WDR33: variants seen among roughly 807,000 people sequenced by gnomAD.
WDR33 encodes WD repeat domain 33.
Under a neutral mutation model 164.9 loss-of-function variants are expected in WDR33, and 47 were observed. The ratio of observed to expected loss-of-function variants is 0.29; its 90% CI spans 0.23 to 0.36. WDR33 has a LOEUF of 0.36. WDR33 is among the 10% of genes least tolerant of loss of function. The probability of loss-of-function intolerance (pLI) is 1.00; values close to 1 mark genes in which losing one functional copy is unlikely to be tolerated. For synonymous variants in WDR33, 505 were observed against 589.0 expected, an observed-to-expected ratio of 0.86 and a Z score of 2.06; for missense variants, 1,137 against 1,754.1, an observed-to-expected ratio of 0.65 and a Z score of 6.28.
rs185019958 is a variant in WDR33, at chr2:127,708,578, C to T, written c.3781+99G>A. 2.5e-4 allele frequency: 338 copies of T among 1,346,990 alleles called. 1 individual carries two copies. In the African/African-American group the frequency reaches 4.3e-3, roughly 17 times the overall value. The allele number at this position is 1,346,990 out of a possible 1,614,324, so 83.4% of individuals were successfully genotyped here. A position where few individuals can be genotyped will look rare whatever the true frequency, so the allele number is the denominator to read the frequency against. On this transcript the variant is annotated intron_variant, in intron 21 of 21. Transcript: ENST00000322313. The surrounding 1 kb of genome is among the most constrained non-coding windows in gnomAD (Gnocchi z 6.7). ...GCACCACATTTAGGAGCATGTGCCT[C>T]TGCACAGCCCAGGCTGCAAGGGCAT... is the stretch of plus-strand genomic sequence containing the variant.
rs1328989145 is a variant in WDR33, at chr2:127,706,432, C to A, written c.3902G>T (p.Gly1301Val). 6.2e-7 allele frequency: 1 copy of A among 1,613,568 alleles called. No homozygotes were observed. Among genetic ancestry groups the A allele is most frequent in the South Asian group, 1.1e-5 (1 of 90,912 alleles). ...ACTCCGGCCCCCTCGAGAAGGGGTG[C>A]CACTGCCTGGAGGGCCCCCAAAAGG... is the stretch of plus-strand genomic sequence containing the variant. The part of the protein sequence containing the change: ...DEPFGGPPGS[G>V]TPSRGGRSGS... The change falls in exon 22 of 22, where the codon GGC (glycine) becomes GTC (valine). Residue 1301 changes from glycine to valine, a missense_variant. Gly to Val is a moderately radical substitution (Grantham distance 109). Transcript: ENST00000322313. The surrounding 1 kb of genome is among the most constrained non-coding windows in gnomAD (Gnocchi z 5.1).
Position 127,702,182 on chromosome 2 carries a change from T to G in WDR33, c.*4141A>C, listed in dbSNP as rs1457159854. ...CCAAGGTGCTGCCCGTGTGAGGACCTCGCGCCCTCGCCGCTGGGGAAGTAC... is the reference window on the plus strand; with the variant it reads ...CCAAGGTGCTGCCCGTGTGAGGACCGCGCGCCCTCGCCGCTGGGGAAGTAC... On this transcript the variant is annotated 3_prime_UTR_variant, in exon 22 of 22. Coordinates refer to ENST00000322313, the MANE Select transcript of WDR33 (RefSeq NM_018383.5). 6.6e-6 allele frequency: 8 copies of G among 1,213,078 alleles called. No homozygotes were observed. The East Asian group carries it at 2.7e-4, about 41-fold the overall frequency. The allele number at this position is 1,213,078 out of a possible 1,614,324, so 75.1% of individuals were successfully genotyped here.
rs371132958 is a variant in WDR33 at position 127,725,160 on chromosome 2, G to A, written c.907C>T (p.Leu303=). The change falls in exon 9 of 22, where the codon CTA becomes TTA. Residue 303 remains leucine (L), a synonymous_variant. Transcript: ENST00000322313. ...EVKLNLNGNW[L]LTASRDHLCK... is the part of the protein sequence containing the mutation. Reference sequence around the variant, plus strand: ...AGATGATCACGTGATGCTGTGAGTAGCCAATTGCCATTGAGGTTTAATTTC... The same window carrying A: ...AGATGATCACGTGATGCTGTGAGTAACCAATTGCCATTGAGGTTTAATTTC... The A allele has an allele frequency of 1.7e-5, 27 of 1,613,588 alleles. No homozygotes were observed. The highest frequency in any genetic ancestry group is 1.3e-4 in the South Asian group (12 of 90,902).
At position 127,701,615 on chromosome 2, in the gene WDR33, G is replaced by A. The variant is rs1558913870; in HGVS notation, c.*4708C>T. 2 of 1,342,434 alleles carry A rather than the reference G, an allele frequency of 1.5e-6. No individual in the cohort carries two copies. Among genetic ancestry groups the A allele is most frequent in the South Asian group, 1.9e-5 (1 of 53,270 alleles). The allele number at this position is 1,342,434 out of a possible 1,614,324, so 83.2% of individuals were successfully genotyped here. On this transcript the variant is annotated 3_prime_UTR_variant, in exon 22 of 22. Coordinates refer to ENST00000322313, the MANE Select transcript of WDR33 (RefSeq NM_018383.5). ...CGGCCGCGGAGCCGCTGCTCGCCGC[G>A]GAGAAGGCGGAGGAGCCCGGGGACC...
chr2:127,742,860 TA>T (rs34957656), intron 7 of WDR33, among the ~76,000 whole-genome samples: 195 of 126,928 alleles, frequency 1.5e-3, no homozygotes, highest in Middle Eastern at 4.0e-3. Flanking sequence ...TACTCACAGT[TA>T]AAAAAAAAAA....
chr2:127,729,359 A>G (rs1427957796), intron 7 of WDR33, among the ~76,000 whole-genome samples: 2 of 152,210 alleles, frequency 1.3e-5, no homozygotes, highest in East Asian at 3.8e-4. Flanking sequence ...GCTTTCTTAG[A>G]TATGAAAAGG....
intron 1 of WDR33, among the ~76,000 whole-genome samples, chr2:127,790,265 C>A (rs535526422): frequency 6.6e-6 from 1 of 152,178 alleles, no homozygotes; most frequent in Admixed American, 6.5e-5. Context: ...AAATTTTGAA[C>A]CAGCCTTGTA....
In WDR33 at chr2:127,735,388, A is replaced by G. The variant is rs548533871; in HGVS notation, c.725-8611T>C. The stretch of plus-strand genomic sequence containing the variant: ...AGCTCGGTGAACAGTCTGAAAACCA[A>G]TACATAATAAGTTTTATTTGAAGGT... On this transcript the variant is annotated intron_variant, in intron 7 of 21. Transcript: ENST00000322313. The surrounding 1 kb of genome is among the most constrained non-coding windows in gnomAD (Gnocchi z 4.3). 1.0e-6 allele frequency: 1 copy of G among 985,824 alleles called. No homozygotes were observed. The highest frequency in any genetic ancestry group is 1.1e-4 in the East Asian group (1 of 8,818). The allele number at this position is 985,824 out of a possible 1,614,324, so 61.1% of individuals were successfully genotyped here.
At chr2:127,725,759 TAA>T (rs1686557950) in intron 8 of WDR33, among the ~76,000 whole-genome samples, 1 of 148,288 alleles carries the variant, frequency 6.7e-6, no homozygotes, top group Non-Finnish European at 1.5e-5. Context: ...ATAATAATAA[TAA>T]TAATAATAAT....
In WDR33 at chr2:127,701,958, C is replaced by G. The variant is rs764085699; in HGVS notation, c.*4365G>C. The G allele has an allele frequency of 7.2e-7, 1 of 1,398,274 alleles. No homozygotes were observed. The highest frequency in any genetic ancestry group is 9.2e-7 in the Non-Finnish European group (1 of 1,083,086). 86.6% of individuals were successfully genotyped at this position (1,398,274 alleles called of 1,614,324 possible). On this transcript the variant is annotated 3_prime_UTR_variant, in exon 22 of 22. Transcript: ENST00000322313. Reference sequence around the variant, plus strand: ...GCTGCGCTGCGAAGAAGCGCCGTCCCGGCCCGCGCTGCTCTACATGGCAGC... The same window carrying G: ...GCTGCGCTGCGAAGAAGCGCCGTCCGGGCCCGCGCTGCTCTACATGGCAGC...
Position 127,703,516 on chromosome 2 carries a change from G to A in WDR33, c.*2807C>T, listed in dbSNP as rs1408827100. On this transcript the variant is annotated 3_prime_UTR_variant, in exon 22 of 22. Coordinates refer to ENST00000322313, the MANE Select transcript of WDR33 (RefSeq NM_018383.5). Reference sequence around the variant, plus strand: ...GTCAGGTCCCTAAGCCCCGTCCCAAGAAGTGACACAAGTGGCCAACATCCA... The same window carrying A: ...GTCAGGTCCCTAAGCCCCGTCCCAAAAAGTGACACAAGTGGCCAACATCCA... 1 of 167,124 alleles carries A rather than the reference G, an allele frequency of 6.0e-6. No individual in the cohort carries two copies. The highest frequency in any genetic ancestry group is 1.5e-5 in the Non-Finnish European group (1 of 68,150). 10.4% of individuals were successfully genotyped at this position (167,124 alleles called of 1,614,324 possible). A position where few individuals can be genotyped will look rare whatever the true frequency, so the allele number is the denominator to read the frequency against.
chr2:127,748,310 C>CA (rs1340357010), intron 7 of WDR33, among the ~76,000 whole-genome samples: 1 of 152,234 alleles, frequency 6.6e-6, no homozygotes, highest in East Asian at 1.9e-4. Flanking sequence ...ATAAATCCAA[C>CA]CTGCTCTATG....
chr2:127,808,558 T>C (rs1455246902), intron 1 of WDR33, among the ~76,000 whole-genome samples: 1 of 152,230 alleles, frequency 6.6e-6, no homozygotes, highest in East Asian at 1.9e-4. Context: ...TCTCTAGGAC[T>C]AATGTAAATG....
intron 7 of WDR33, chr2:127,737,326 G>A (rs1041882584): frequency 1.1e-4 from 104 of 985,286 alleles, no homozygotes; most frequent in Non-Finnish European, 1.1e-4. Flanking sequence ...AGCAAAGTCC[G>A]CTGTAAGAAA....
In WDR33 at chr2:127,706,402, C is replaced by T. The variant is rs1686012570; in HGVS notation, c.3932G>A (p.Ser1311Asn). 6.2e-7 allele frequency: 1 copy of T among 1,613,630 alleles called. No individual in the cohort carries two copies. Among genetic ancestry groups the T allele is most frequent in the Non-Finnish European group, 8.5e-7 (1 of 1,179,812 alleles). ...GTPSRGGRSG[S>N]NWGRGSNMNS... Reference sequence around the variant, plus strand: ...CATGTTACTCCCTCTACCCCAGTTACTGCCACTCCGGCCCCCTCGAGAAGG... The same window carrying T: ...CATGTTACTCCCTCTACCCCAGTTATTGCCACTCCGGCCCCCTCGAGAAGG... Residue 1311 changes from serine (S) to asparagine (N), a missense_variant, in exon 22 of 22, where the codon AGT becomes AAT. Transcript: ENST00000322313. This position sits in a 1 kb window ranked among gnomAD's most constrained non-coding sequence, Gnocchi z 5.1.
chr2:127,720,369 G>C lies in WDR33; in HGVS notation c.1672-16C>G. On this transcript the variant is annotated splice_polypyrimidine_tract_variant and intron_variant, in intron 15 of 21. Coordinates refer to ENST00000322313, the MANE Select transcript of WDR33 (RefSeq NM_018383.5). This position sits in a 1 kb window ranked among gnomAD's most constrained non-coding sequence, Gnocchi z 5.9. ...TTTTAAGTTGCTGGAAAGAAAGAAA[G>C]AAAAAAGCATGTTGAATAAACAGGC... 2 of 1,503,426 alleles carry C rather than the reference G, an allele frequency of 1.3e-6. No individual in the cohort carries two copies. The highest frequency in any genetic ancestry group is 1.8e-6 in the Non-Finnish European group (2 of 1,127,570). 93.1% of individuals were successfully genotyped at this position (1,503,426 alleles called of 1,614,324 possible).
chr2:127,774,991 T>C (rs751668409), intron 1 of WDR33, among the ~76,000 whole-genome samples: 53 of 152,162 alleles, frequency 3.5e-4, no homozygotes, highest in Admixed American at 8.5e-4. Context: ...ATGAGAGGAA[T>C]GGAGAATGAC....
chr2:127,795,170 G>A (rs574720131), intron 1 of WDR33, among the ~76,000 whole-genome samples: 2 of 146,452 alleles, frequency 1.4e-5, no homozygotes, highest in African/African-American at 2.6e-5. Flanking sequence ...GTGCGATCTC[G>A]GCTTACTGCA....
At chr2:127,790,197 G>A (rs1688795800) in intron 1 of WDR33, among the ~76,000 whole-genome samples, 1 of 152,148 alleles carries the variant, frequency 6.6e-6, no homozygotes, top group South Asian at 2.1e-4. Flanking sequence ...CATCTAAAGA[G>A]ATGATCATAT....
Sources: gnomAD v4.1 joint callset for allele counts (sites outside exome capture counted in the v4.1 genomes callset) on GRCh38, gnomAD v4.1.1 for gene constraint, Gnocchi (gnomAD v3.1) non-coding constraint, MANE v1.5 for transcripts, NCBI Gene and HGNC (gene_info 2026-07-23, HGNC 2026-07-21) for gene names.